Variants in HS6ST3 observed in about 807,000 individuals in gnomAD.
The protein encoded by HS6ST3 is heparan sulfate 6-O-sulfotransferase 3.
In HS6ST3, 12 loss-of-function variants were observed where a neutral mutation model predicts 36.7. The observed-to-expected ratio is 0.33, with a 90% CI of 0.21 to 0.53. HS6ST3 has a LOEUF of 0.53. Ranked by LOEUF, HS6ST3 falls within the 20% of genes least tolerant of loss-of-function variation. HS6ST3 has a pLI of 0.95. For missense variants in HS6ST3, 584 were observed against 640.9 expected (o/e 0.91, Z 0.96); for synonymous variants, 240 against 257.5 (o/e 0.93, Z 0.65).
At chr13:96,216,985 A>G (rs1258293905) in intron 1 of HS6ST3, among the ~76,000 whole-genome samples, 1 of 152,078 alleles carries the variant, frequency 6.6e-6, no homozygotes, top group African/African-American at 2.4e-5. Flanking sequence ...GAGAGAAGTC[A>G]CTGTGACCAC....
chr13:96,360,945 CAA>C (rs1555300657), intron 1 of HS6ST3, among the ~76,000 whole-genome samples: 46 of 130,836 alleles, frequency 3.5e-4, no homozygotes, highest in Non-Finnish European at 3.7e-4. Flanking sequence ...GACCCTGTCC[CAA>C]AAAAAAAAAA....
At chr13:96,520,725 A>G (rs1686413035) in intron 1 of HS6ST3, among the ~76,000 whole-genome samples, 2 of 152,222 alleles carry the variant, frequency 1.3e-5, no homozygotes, top group Admixed American at 1.3e-4. Context: ...GAAGTTGCTT[A>G]TCAGCTTAAG....
chr13:96,094,955 A>T (rs1047133169), intron 1 of HS6ST3, among the ~76,000 whole-genome samples: 8 of 152,072 alleles, frequency 5.3e-5, no homozygotes, highest in African/African-American at 2.4e-5. Context: ...TACGCCCCTT[A>T]ATCTGCATGT....
At chr13:96,269,773 A>C (rs867237581) in intron 1 of HS6ST3, among the ~76,000 whole-genome samples, 8 of 152,140 alleles carry the variant, frequency 5.3e-5, no homozygotes, top group African/African-American at 1.9e-4. Context: ...TCAGGAAGCA[A>C]GATGATAAGC....
At chr13:96,239,898 T>G (rs2054552152) in intron 1 of HS6ST3, among the ~76,000 whole-genome samples, 1 of 152,200 alleles carries the variant, frequency 6.6e-6, no homozygotes, top group South Asian at 2.1e-4. Flanking sequence ...GAGAGCTGGC[T>G]TTTTCCTTAA....
chr13:96,517,925 G>A (rs1313386309), intron 1 of HS6ST3, among the ~76,000 whole-genome samples: 1 of 152,190 alleles, frequency 6.6e-6, no homozygotes, highest in Admixed American at 6.5e-5. Flanking sequence ...TCATTGCACC[G>A]CTATTTACTA....
chr13:96,703,972 C>G (rs970611764), intron 1 of HS6ST3, among the ~76,000 whole-genome samples: 1 of 152,180 alleles, frequency 6.6e-6, no homozygotes, highest in African/African-American at 2.4e-5. Flanking sequence ...TCCCCTTTGC[C>G]TTCCACCATG....
At chr13:96,806,790 T>C (rs752458574) in intron 1 of HS6ST3, among the ~76,000 whole-genome samples, 2 of 152,214 alleles carry the variant, frequency 1.3e-5, no homozygotes. Flanking sequence ...ATGTTGACTA[T>C]TCAATTGCAG....
intron 1 of HS6ST3, among the ~76,000 whole-genome samples, chr13:96,311,513 G>A (rs2054940880): frequency 6.6e-6 from 1 of 152,142 alleles, no homozygotes; most frequent in Non-Finnish European, 1.5e-5. Context: ...CTTATTCTTT[G>A]ATACTCCCGC....
rs34000071 is a variant in HS6ST3, at chr13:96,689,606, C to CTTTTTTTTTTT, written c.708-142878_708-142868dup. Among the ~76,000 whole-genome samples, 144 of 101,138 alleles carry CTTTTTTTTTTT rather than the reference C, an allele frequency of 1.4e-3. 4 individuals carry two copies. Among genetic ancestry groups the CTTTTTTTTTTT allele is most frequent in the African/African-American group, 2.1e-3 (55 of 25,596 alleles). The allele number at this position is 101,138 out of a possible 152,430, so 66.4% of individuals were successfully genotyped here. ...TTTGTAGTTTTTGCTTTCTTTCTTTCTTTTTTTTTTTTTTTTGGTGATTGT... is the reference window on the plus strand; with the variant it reads ...TTTGTAGTTTTTGCTTTCTTTCTTTCTTTTTTTTTTTTTTTTTTTTTTTTTTTGGTGATTGT... On this transcript the variant is annotated intron_variant, in intron 1 of 1. Coordinates refer to ENST00000376705, the MANE Select transcript of HS6ST3 (RefSeq NM_153456.4).
chr13:96,597,538 A>T (rs954674359), intron 1 of HS6ST3, among the ~76,000 whole-genome samples: 9 of 150,230 alleles, frequency 6.0e-5, no homozygotes, highest in East Asian at 2.0e-4. Context: ...GAGATTATTT[A>T]TTTTTTTTTC....
intron 1 of HS6ST3, among the ~76,000 whole-genome samples, chr13:96,809,313 G>C (rs1314694149): frequency 6.6e-6 from 1 of 152,134 alleles, no homozygotes; most frequent in Non-Finnish European, 1.5e-5. Flanking sequence ...AAAGATTCAG[G>C]CTAGGAATTT....
chr13:96,657,620 T>A (rs1464893261), intron 1 of HS6ST3, among the ~76,000 whole-genome samples: 1 of 152,196 alleles, frequency 6.6e-6, no homozygotes, highest in Non-Finnish European at 1.5e-5. Flanking sequence ...CTGTGAGTGA[T>A]CATGGTCTAC....
intron 1 of HS6ST3, among the ~76,000 whole-genome samples, chr13:96,739,979 A>G (rs906055553): frequency 6.6e-6 from 1 of 152,064 alleles, no homozygotes; most frequent in Admixed American, 6.6e-5. Flanking sequence ...TTCCCCTTCA[A>G]GTCTGTGCAA....
At chr13:96,177,850 A>G (rs2054219846) in intron 1 of HS6ST3, among the ~76,000 whole-genome samples, 1 of 152,210 alleles carries the variant, frequency 6.6e-6, no homozygotes, top group South Asian at 2.1e-4. Context: ...TAAGAAACCA[A>G]GAGACTTATC....
chr13:96,435,207 T>G (rs1297790186), intron 1 of HS6ST3, among the ~76,000 whole-genome samples: 1 of 152,236 alleles, frequency 6.6e-6, no homozygotes, highest in African/African-American at 2.4e-5. Context: ...AATGGAAGCC[T>G]CAGATAGAAA....
At chr13:96,458,197 G>T (rs1218691151) in intron 1 of HS6ST3, among the ~76,000 whole-genome samples, 3 of 152,036 alleles carry the variant, frequency 2.0e-5, no homozygotes, top group Non-Finnish European at 4.4e-5. Flanking sequence ...TAAGTCCTAT[G>T]CTCAAGGGTA....
intron 1 of HS6ST3, among the ~76,000 whole-genome samples, chr13:96,456,723 T>C (rs964257573): frequency 1.3e-5 from 2 of 152,136 alleles, no homozygotes; most frequent in Admixed American, 6.5e-5. Context: ...GTTTTCTTGC[T>C]CTAATCTTCT....
chr13:96,375,002 G>A (rs1336164941), intron 1 of HS6ST3, among the ~76,000 whole-genome samples: 2 of 152,050 alleles, frequency 1.3e-5, no homozygotes, highest in African/African-American at 4.8e-5. Context: ...CTGCACACCT[G>A]TTTAACCATA....
Sources: gnomAD v4.1 joint callset for allele counts (sites outside exome capture counted in the v4.1 genomes callset) on GRCh38, gnomAD v4.1.1 for gene constraint, MANE v1.5 for transcripts, NCBI Gene and HGNC (gene_info 2026-07-23, HGNC 2026-07-21) for gene names.